PTPRM: variants seen among roughly 807,000 people sequenced by gnomAD.
PTPRM encodes the protein protein tyrosine phosphatase receptor type M, also known as receptor-type tyrosine-protein phosphatase mu.
A neutral mutation model predicts 186.7 loss-of-function variants in PTPRM; 47 were observed. That is an observed-to-expected ratio of 0.25 (90% CI 0.20 to 0.32). PTPRM has a LOEUF of 0.32. PTPRM is among the 10% of genes least tolerant of loss of function. The probability of loss-of-function intolerance (pLI) is 1.00; values close to 1 mark genes in which losing one functional copy is unlikely to be tolerated. For missense variants in PTPRM, 1,494 were observed against 1,865.0 expected (o/e 0.80, Z 3.66); for synonymous variants, 668 against 674.9 (o/e 0.99, Z 0.16).
chr18:7,687,306 G>A (rs1180960019), intron 1 of PTPRM, among the ~76,000 whole-genome samples: 1 of 152,034 alleles, frequency 6.6e-6, no homozygotes, highest in Non-Finnish European at 1.5e-5. Flanking sequence ...ATTTAATTGT[G>A]GTCTGGCAAG....
rs563596534 is a variant in PTPRM at position 7,833,433 on chromosome 18, G to A, written c.197-54673G>A. 6.8e-4 allele frequency among the ~76,000 whole-genome samples: 104 copies of A among 152,222 alleles called. 1 individual carries two copies. The highest frequency in any genetic ancestry group is 2.4e-3 in the African/African-American group (101 of 41,542). ...ACAGATTATTCACTCTTGGTGTATA[G>A]GAATGCATATTGATTTTTGGCCAGG... is the stretch of plus-strand genomic sequence containing the variant. On this transcript the variant is annotated intron_variant, in intron 2 of 32. Coordinates refer to ENST00000580170, the MANE Select transcript of PTPRM (RefSeq NM_001105244.2).
chr18:7,798,106 C>A (rs1448559023), intron 2 of PTPRM, among the ~76,000 whole-genome samples: 1 of 152,082 alleles, frequency 6.6e-6, no homozygotes, highest in East Asian at 1.9e-4. Context: ...GATGAGTGAG[C>A]TTGTGATATG....
chr18:7,792,865 G>A (rs1440149043), intron 2 of PTPRM, among the ~76,000 whole-genome samples: 2 of 152,016 alleles, frequency 1.3e-5, no homozygotes, highest in African/African-American at 4.8e-5. Context: ...GGGTCTTTCT[G>A]TGTTGCCCAT....
rs139746064 is a variant in PTPRM at position 8,179,600 on chromosome 18, G to T, written c.2300+35821G>T. The stretch of plus-strand genomic sequence containing the variant: ...TTCTCCTGCCTCAGTCTCCCAGGTA[G>T]CTGGGACTACAGGCATGAGCCACCA... On this transcript the variant is annotated intron_variant, in intron 14 of 32. Transcript: ENST00000580170. 5.8e-3 allele frequency among the ~76,000 whole-genome samples: 875 copies of T among 152,016 alleles called. 4 individuals are homozygous for T. The highest frequency in any genetic ancestry group is 0.02 in the African/African-American group (838 of 41,454).
intron 9 of PTPRM, among the ~76,000 whole-genome samples, chr18:8,085,143 A>C (rs982735776): frequency 6.6e-6 from 1 of 152,072 alleles, no homozygotes. Context: ...ACCCATAATG[A>C]TCACTCTATT....
chr18:8,113,632 A>T lies in PTPRM; in HGVS notation c.2003A>T (p.Asp668Val). The change falls in exon 12 of 33, where the codon GAC becomes GTC. Residue 668 changes from aspartate (D) to valine (V), a missense_variant. Physicochemically the swap from Asp to Val is radical, Grantham distance 152 (BLOSUM62 -3). Transcript: ENST00000580170. ...QYYFAAEFPA[D>V]SLQAAQPFTI... ...TACTTTGCTGCAGAATTTCCTGCAGACAGCCTCCAAGCTGCGCAGCCTTTT... is the reference window on the plus strand; with the variant it reads ...TACTTTGCTGCAGAATTTCCTGCAGTCAGCCTCCAAGCTGCGCAGCCTTTT... 1 of 1,614,122 alleles carries T rather than the reference A, an allele frequency of 6.2e-7. No individual in the cohort carries two copies. Among genetic ancestry groups the T allele is most frequent in the Non-Finnish European group, 8.5e-7 (1 of 1,179,966 alleles).
At chr18:7,919,272 A>G (rs1308609433) in intron 4 of PTPRM, among the ~76,000 whole-genome samples, 2 of 152,084 alleles carry the variant, frequency 1.3e-5, no homozygotes, top group Non-Finnish European at 2.9e-5. Context: ...TGCTTTGGCT[A>G]TTTGGAATAT....
At chr18:7,617,308 A>T (rs888065159) in intron 1 of PTPRM, among the ~76,000 whole-genome samples, 27 of 152,298 alleles carry the variant, frequency 1.8e-4, no homozygotes, top group Middle Eastern at 3.4e-3. Context: ...TAGGTTGAAT[A>T]ATTAGACTCC....
chr18:8,385,523 G>A (rs2095766608), intron 30 of PTPRM, among the ~76,000 whole-genome samples: 2 of 152,182 alleles, frequency 1.3e-5, no homozygotes, highest in African/African-American at 2.4e-5. Context: ...CCAGGCAGAA[G>A]GAAGGGTCAG....
chr18:7,755,241 A>G (rs941071609), intron 1 of PTPRM: 7 of 152,218 alleles, frequency 4.6e-5, no homozygotes, highest in African/African-American at 1.7e-4. Context: ...CCTGAAAAAA[A>G]AAAAAAGATG....
intron 7 of PTPRM, among the ~76,000 whole-genome samples, chr18:8,063,655 G>T (rs945557491): frequency 2.0e-5 from 3 of 151,784 alleles, no homozygotes; most frequent in Admixed American, 6.6e-5. Flanking sequence ...ATGGATTTAG[G>T]GGTACAAGTA....
rs182529864 is a variant in PTPRM at position 8,392,360 on chromosome 18, C to T, written c.4209-2116C>T. On this transcript the variant is annotated intron_variant, in intron 31 of 32. Transcript: ENST00000580170. The stretch of plus-strand genomic sequence containing the variant: ...GGTCCCATGGCCGGGCGCGGTGGCT[C>T]ACACCTGTAATCCCAGCACTTTGGG... Among the ~76,000 whole-genome samples the T allele has an allele frequency of 5.9e-5, 9 of 152,210 alleles. No homozygotes were observed. The East Asian group carries it at 1.7e-3, about 29-fold the overall frequency.
intron 3 of PTPRM, among the ~76,000 whole-genome samples, chr18:7,899,799 A>T (rs887644456): frequency 1.3e-5 from 2 of 152,074 alleles, no homozygotes; most frequent in South Asian, 2.1e-4. Context: ...TTTTATTTTT[A>T]ATTTTTCTGA....
At chr18:8,372,791 A>C (rs2095671329) in intron 24 of PTPRM, among the ~76,000 whole-genome samples, 1 of 152,066 alleles carries the variant, frequency 6.6e-6, no homozygotes, top group Non-Finnish European at 1.5e-5. Flanking sequence ...AACCGCATTA[A>C]AACAGCGATA....
chr18:7,994,069 A>C (rs2083403742), intron 7 of PTPRM, among the ~76,000 whole-genome samples: 2 of 152,138 alleles, frequency 1.3e-5, no homozygotes, highest in African/African-American at 4.8e-5. Flanking sequence ...TTCTGCCCAC[A>C]AGAAACTGAC....
intron 2 of PTPRM, among the ~76,000 whole-genome samples, chr18:7,870,842 T>C (rs9957967): frequency 0.08 from 12,134 of 152,246 alleles, 619 homozygotes; most frequent in African/African-American, 0.15. Context: ...AGAGATGTTG[T>C]CTAAAACACT....
chr18:7,916,625 ATGT>A (rs1568009649), intron 4 of PTPRM, among the ~76,000 whole-genome samples: 3 of 152,010 alleles, frequency 2.0e-5, no homozygotes, highest in Admixed American at 6.5e-5. Flanking sequence ...TTTAAAAAAA[ATGT>A]TATTTTATTT....
At chr18:8,160,808 G>C (rs560184075) in intron 14 of PTPRM, among the ~76,000 whole-genome samples, 14 of 152,172 alleles carry the variant, frequency 9.2e-5, no homozygotes, top group Non-Finnish European at 1.9e-4. Context: ...ATTCCTCCAA[G>C]GGTGTTTGAT....
chr18:8,279,752 G>A (rs2094880219), intron 19 of PTPRM, among the ~76,000 whole-genome samples: 1 of 152,222 alleles, frequency 6.6e-6, no homozygotes, highest in Non-Finnish European at 1.5e-5. Context: ...TGTGTATCCA[G>A]CACTGACTCT....
Sources: gnomAD v4.1 joint callset for allele counts (sites outside exome capture counted in the v4.1 genomes callset) on GRCh38, gnomAD v4.1.1 for gene constraint, MANE v1.5 for transcripts, NCBI Gene and HGNC (gene_info 2026-07-23, HGNC 2026-07-21) for gene names.